The following SCIMP variants were observed in gnomAD, a reference collection of about 807,000 sequenced individuals.
The protein encoded by SCIMP is SLP adaptor and CSK interacting membrane protein.
In SCIMP, 18 loss-of-function variants were observed where a neutral mutation model predicts 22.0. That is an observed-to-expected ratio of 0.82 (90% CI 0.56 to 1.21). The LOEUF (loss-of-function observed/expected upper bound fraction) is 1.21. SCIMP is among the 50% of genes most tolerant of loss of function. The pLI is 0.00. For missense variants in SCIMP, 155 were observed against 171.2 expected, an observed-to-expected ratio of 0.91 and a Z score of 0.53; for synonymous variants, 53 against 62.2, an observed-to-expected ratio of 0.85 and a Z score of 0.70.
chr17:5,219,544 C>G (rs964079006), intron 3 of SCIMP, among the ~76,000 whole-genome samples: 2 of 151,968 alleles, frequency 1.3e-5, no homozygotes, highest in African/African-American at 2.4e-5. Context: ...AGGAGAAGCA[C>G]TTGAACCTGG....
At chr17:5,234,029 G>T (rs1268908955) in intron 1 of SCIMP, 4 of 152,358 alleles carry the variant, frequency 2.6e-5, no homozygotes, top group Non-Finnish European at 5.9e-5. Flanking sequence ...CCAGCACTTT[G>T]GGAGGCCGAG....
At chr17:5,231,791 A>G (rs2074696753) in intron 1 of SCIMP, among the ~76,000 whole-genome samples, 1 of 152,180 alleles carries the variant, frequency 6.6e-6, no homozygotes, top group African/African-American at 2.4e-5. Context: ...GCGGTGGCTC[A>G]CGCCTGTAAT....
chr17:5,224,262 G>A (rs951920788), intron 1 of SCIMP, among the ~76,000 whole-genome samples: 1 of 151,758 alleles, frequency 6.6e-6, no homozygotes, highest in Admixed American at 6.6e-5. Context: ...AGCCTCCCGA[G>A]TAGCTGGGAC....
At chr17:5,211,771 A>G (rs943095442) in intron 4 of SCIMP, among the ~76,000 whole-genome samples, 16 of 152,308 alleles carry the variant, frequency 1.1e-4, no homozygotes, top group Admixed American at 9.2e-4. Context: ...ACAGGTTCAT[A>G]GGAGGCTGGG....
At chr17:5,214,532 G>C (rs138166155) in intron 4 of SCIMP, 5,870 of 163,442 alleles carry the variant, frequency 0.036, 379 homozygotes, top group African/African-American at 0.13. Context: ...CTCCAGCCTG[G>C]GGGACAGAGC....
chr17:5,231,783 G>GT (rs1462220311), intron 1 of SCIMP, among the ~76,000 whole-genome samples: 2 of 152,080 alleles, frequency 1.3e-5, no homozygotes, highest in African/African-American at 4.8e-5. Context: ...GGCGGGACGC[G>GT]GTGGCTCACG....
chr17:5,231,780 C>T (rs183547220), intron 1 of SCIMP, among the ~76,000 whole-genome samples: 14 of 152,294 alleles, frequency 9.2e-5, no homozygotes, highest in South Asian at 8.3e-4. Flanking sequence ...CTTGGCGGGA[C>T]GCGGTGGCTC....
chr17:5,232,072 A>AT, intron 1 of SCIMP, among the ~76,000 whole-genome samples: 1 of 151,966 alleles, frequency 6.6e-6, no homozygotes, highest in Non-Finnish European at 1.5e-5. Flanking sequence ...AAAAAAAAAA[A>AT]ACTGGTCACC....
At chr17:5,212,992 TG>T in intron 4 of SCIMP, 1 of 246,616 alleles carries the variant, frequency 4.1e-6, no homozygotes, top group Non-Finnish European at 6.5e-6. Flanking sequence ...TTAGGTTGAG[TG>T]GACAGAGAGG....
rs61111089 is a variant in SCIMP, at chr17:5,213,008, C to CTTTGAGGTGGTAACTTCTTTTTTTTTTTT, written c.283+1916_283+1917insAAAAAAAAAAAAGAAGTTACCACCTCAAA. 6.6e-4 allele frequency: 183 copies of CTTTGAGGTGGTAACTTCTTTTTTTTTTTT among 278,776 alleles called. 3 individuals carry two copies. Among genetic ancestry groups the CTTTGAGGTGGTAACTTCTTTTTTTTTTTT allele is most frequent in the Non-Finnish European group, 8.4e-4 (171 of 202,986 alleles). 17.3% of individuals were successfully genotyped at this position (278,776 alleles called of 1,614,324 possible). On this transcript the variant is annotated intron_variant, in intron 4 of 4. Transcript: ENST00000574081. The stretch of plus-strand genomic sequence containing the variant: ...TAGGTTGAGTGGACAGAGAGGGCCT[C>CTTTGAGGTGGTAACTTCTTTTTTTTTTTT]TTTGAGGTGGTAACTTCTGAGCTGA...
intron 1 of SCIMP, 111 bp from the exon 2 acceptor site, chr17:5,223,567 G>T: frequency 9.3e-7 from 1 of 1,076,028 alleles, no homozygotes; most frequent in Non-Finnish European, 1.4e-6. Context: ...TTCTGAGTCG[G>T]AGTCTCACTC....
At chr17:5,233,311 C>A (rs972521851) in intron 1 of SCIMP, among the ~76,000 whole-genome samples, 3 of 152,158 alleles carry the variant, frequency 2.0e-5, no homozygotes, top group African/African-American at 7.2e-5. Flanking sequence ...CCCCACTGGG[C>A]TCCCCACTGG....
intron 1 of SCIMP, among the ~76,000 whole-genome samples, chr17:5,232,985 T>G (rs996021858): frequency 6.6e-5 from 10 of 152,124 alleles, no homozygotes; most frequent in African/African-American, 2.4e-4. Flanking sequence ...GTGCTGGGAT[T>G]ACAGGCGTGA....
chr17:5,219,937 A>G lies in SCIMP; in HGVS notation c.209+1350T>C, dbSNP rs1042454993. On this transcript the variant is annotated intron_variant, in intron 3 of 4. Coordinates refer to ENST00000574081, the MANE Select transcript of SCIMP (RefSeq NM_207103.3). ...TGTGCGACTTCACTGGGAGAGGACA[A>G]CTGCAAGCTTTGCCTGCTTTCTGCT... 3.9e-5 allele frequency among the ~76,000 whole-genome samples: 6 copies of G among 152,208 alleles called. No homozygotes were observed. The East Asian group carries it at 7.7e-4, about 19-fold the overall frequency.
At chr17:5,233,545 G>A (rs1023424414) in intron 1 of SCIMP, among the ~76,000 whole-genome samples, 1 of 152,082 alleles carries the variant, frequency 6.6e-6, no homozygotes, top group African/African-American at 2.4e-5. Flanking sequence ...GCTAATTTTT[G>A]TATTTGTAGT....
rs1341790408 is a variant in SCIMP at position 5,210,343 on chromosome 17, G to C, written c.*458C>G. On this transcript the variant is annotated 3_prime_UTR_variant, in exon 5 of 5. Coordinates refer to ENST00000574081, the MANE Select transcript of SCIMP (RefSeq NM_207103.3). ...CAGCCTCACAGTGCAGGAGGTGGGT[G>C]GGGTGAGAGGGTAAAGACCAGCATG... 6.4e-6 allele frequency: 1 copy of C among 155,382 alleles called. No homozygotes were observed. The highest frequency in any genetic ancestry group is 1.4e-5 in the Non-Finnish European group (1 of 69,914). 9.6% of individuals were successfully genotyped at this position (155,382 alleles called of 1,614,324 possible).
intron 2 of SCIMP, among the ~76,000 whole-genome samples, chr17:5,222,092 G>GT (rs35908136): frequency 0.39 from 53,496 of 138,024 alleles, 11,454 homozygotes; most frequent in Non-Finnish European, 0.5. Context: ...ATGAAAACTT[G>GT]TTTTTTTTTT....
intron 4 of SCIMP, 38 bp from the exon 5 acceptor site, chr17:5,210,993 CAT>C (rs1373387386): frequency 6.4e-7 from 1 of 1,573,558 alleles, no homozygotes; most frequent in Non-Finnish European, 8.6e-7. Context: ...GCAAAGCTGT[CAT>C]GTGTTTTTAT....
chr17:5,225,104 C>G (rs1429658748), intron 1 of SCIMP, among the ~76,000 whole-genome samples: 1 of 152,204 alleles, frequency 6.6e-6, no homozygotes, highest in African/African-American at 2.4e-5. Context: ...GCCTCATGTC[C>G]AGCCTTAAAT....
Sources: gnomAD v4.1 joint callset for allele counts (sites outside exome capture counted in the v4.1 genomes callset) on GRCh38, gnomAD v4.1.1 for gene constraint, MANE v1.5 for transcripts, NCBI Gene and HGNC (gene_info 2026-07-23, HGNC 2026-07-21) for gene names.